CAPSL: variants seen among roughly 807,000 people sequenced by gnomAD.
CAPSL encodes calcyphosin-like protein.
A neutral mutation model predicts 21.3 loss-of-function variants in CAPSL; 17 were observed. The ratio of observed to expected loss-of-function variants is 0.80; its 90% CI spans 0.55 to 1.20. CAPSL has a LOEUF of 1.20. Among genes scored for constraint, CAPSL ranks in the 50% most tolerant of loss-of-function variants. The pLI is 0.00. For missense variants in CAPSL, 289 were observed against 259.3 expected, an observed-to-expected ratio of 1.11 and a Z score of -0.79; for synonymous variants, 102 against 89.3, an observed-to-expected ratio of 1.14 and a Z score of -0.80.
intron 2 of CAPSL, among the ~76,000 whole-genome samples, chr5:35,911,936 G>C (rs1312666925): frequency 6.6e-6 from 1 of 152,208 alleles, no homozygotes; most frequent in Non-Finnish European, 1.5e-5. Context: ...GGAAGCGCAA[G>C]GGGTCAGGGA....
intron 4 of CAPSL, 149 bp from the exon 5 acceptor site, chr5:35,904,795 C>G: frequency 8.1e-7 from 1 of 1,227,922 alleles, no homozygotes; most frequent in Non-Finnish European, 1.1e-6. Flanking sequence ...AACAAAAGAA[C>G]AAGTGAAGCT....
intron 2 of CAPSL, among the ~76,000 whole-genome samples, chr5:35,913,540 G>A (rs1026821034): frequency 6.6e-6 from 1 of 152,226 alleles, no homozygotes; most frequent in African/African-American, 2.4e-5. Context: ...AGAAGAGAGT[G>A]GGGGCCAATA....
intron 2 of CAPSL, among the ~76,000 whole-genome samples, chr5:35,916,445 G>A (rs1335312623): frequency 2.6e-5 from 4 of 152,102 alleles, no homozygotes; most frequent in Non-Finnish European, 4.4e-5. Context: ...GAGGCATAAC[G>A]CTACCTGACT....
chr5:35,917,641 G>T (rs377195922), intron 2 of CAPSL, among the ~76,000 whole-genome samples: 31 of 152,108 alleles, frequency 2.0e-4, no homozygotes, highest in Admixed American at 5.2e-4. Context: ...CCGCATGTTC[G>T]CACTCATAGG....
chr5:35,907,131 T>C (rs1391665882), intron 4 of CAPSL, among the ~76,000 whole-genome samples: 7 of 152,182 alleles, frequency 4.6e-5, no homozygotes, highest in Non-Finnish European at 7.3e-5. Context: ...TTAGCAGGCC[T>C]CTTGACTAGG....
rs1738158726 is a variant in CAPSL at position 35,909,692 on chromosome 5, TGAA to T, written c.525+171_525+173del. On this transcript the variant is annotated intron_variant, in intron 4 of 4. Transcript: ENST00000651391. ...ACATTAGGTTTCAACTAAAGTAACA[TGAA>T]GGTTTCCCCTGGCAATGGAGAAGTT... is the stretch of plus-strand genomic sequence containing the variant. The T allele has an allele frequency of 6.5e-6, 4 of 614,022 alleles. No homozygotes were observed. The South Asian group carries it at 8.7e-5, about 13-fold the overall frequency. The allele number at this position is 614,022 out of a possible 1,614,324, so 38.0% of individuals were successfully genotyped here. A position where few individuals can be genotyped will look rare whatever the true frequency, so the allele number is the denominator to read the frequency against.
chr5:35,933,021 AT>A lies in CAPSL; in HGVS notation c.-1+5519del, dbSNP rs527312849. On this transcript the variant is annotated intron_variant, in intron 1 of 4. Transcript: ENST00000651391. ...TACTGGAAAACAACCACATACGTGT[AT>A]TTCTATATGGTCTGTGGCGGCTTTC... Among the ~76,000 whole-genome samples the A allele has an allele frequency of 1.2e-4, 18 of 152,314 alleles. No individual in the cohort carries two copies. In the East Asian group the frequency reaches 3.5e-3, roughly 29 times the overall value.
intron 2 of CAPSL, among the ~76,000 whole-genome samples, chr5:35,920,736 T>A (rs1363855528): frequency 1.3e-5 from 2 of 152,238 alleles, no homozygotes; most frequent in Non-Finnish European, 2.9e-5. Context: ...CTTCTCCCTT[T>A]ACCTCATATT....
At chr5:35,919,775 A>C (rs1738488040) in intron 2 of CAPSL, among the ~76,000 whole-genome samples, 1 of 152,192 alleles carries the variant, frequency 6.6e-6, no homozygotes, top group Admixed American at 6.5e-5. Flanking sequence ...CAGATGGCAC[A>C]TTCTGCAAAA....
chr5:35,910,977 A>T (rs1738206761), intron 2 of CAPSL, among the ~76,000 whole-genome samples: 1 of 152,262 alleles, frequency 6.6e-6, no homozygotes. Context: ...GGAAGTCAGA[A>T]AATCACAGTG....
intron 2 of CAPSL, 36 bp downstream of exon 2, chr5:35,920,948 C>A: frequency 6.2e-7 from 1 of 1,606,826 alleles, no homozygotes; most frequent in Non-Finnish European, 8.5e-7. Context: ...TCATTCCTTC[C>A]CGCTCCATTC....
chr5:35,930,710 A>C (rs1056088960), intron 1 of CAPSL, among the ~76,000 whole-genome samples: 3 of 152,242 alleles, frequency 2.0e-5, no homozygotes, highest in African/African-American at 7.2e-5. Flanking sequence ...GGAAGTTTAC[A>C]TTCCTAGAAG....
At position 35,919,160 on chromosome 5, in the gene CAPSL, TA is replaced by T. The variant is rs34779853; in HGVS notation, c.137+1823del. Among the ~76,000 whole-genome samples the T allele has an allele frequency of 1.1e-3, 137 of 129,180 alleles. 2 individuals carry two copies. The highest frequency in any genetic ancestry group is 3.8e-3 in the Middle Eastern group (1 of 262). The allele number at this position is 129,180 out of a possible 152,430, so 84.7% of individuals were successfully genotyped here. A position where few individuals can be genotyped will look rare whatever the true frequency, so the allele number is the denominator to read the frequency against. ...CTGGTTAGCTAGTATCTTTCCTGATTAAAAAAAAAAATATATATATATATAT... is the reference window on the plus strand; with the variant it reads ...CTGGTTAGCTAGTATCTTTCCTGATTAAAAAAAAAATATATATATATATAT... On this transcript the variant is annotated intron_variant, in intron 2 of 4. Coordinates refer to ENST00000651391, the MANE Select transcript of CAPSL (RefSeq NM_001042625.2).
At chr5:35,911,645 C>T (rs928832387) in intron 2 of CAPSL, among the ~76,000 whole-genome samples, 2 of 152,136 alleles carry the variant, frequency 1.3e-5, no homozygotes, top group African/African-American at 4.8e-5. Flanking sequence ...GAAAAGGACA[C>T]TAGGTAAAAA....
rs1580877596 is a variant in CAPSL at position 35,907,202 on chromosome 5, T to C, written c.526-2556A>G. 2.6e-5 allele frequency among the ~76,000 whole-genome samples: 4 copies of C among 152,256 alleles called. 1 individual carries two copies. Among genetic ancestry groups the C allele is most frequent in the Admixed American group, 2.6e-4 (4 of 15,292 alleles). On this transcript the variant is annotated intron_variant, in intron 4 of 4. Coordinates refer to ENST00000651391, the MANE Select transcript of CAPSL (RefSeq NM_001042625.2). ...AAGGAAAGGTCCCAGATGGGGGTAA[T>C]GGAAGTCACAATACAAGCCCTTTTT...
intron 4 of CAPSL, among the ~76,000 whole-genome samples, chr5:35,908,026 C>A (rs1023125920): frequency 1.3e-5 from 2 of 152,144 alleles, no homozygotes; most frequent in Non-Finnish European, 2.9e-5. Flanking sequence ...CCTGGTAAGC[C>A]CTTAGCAAAT....
intron 4 of CAPSL, among the ~76,000 whole-genome samples, chr5:35,905,481 G>A (rs1280718566): frequency 2.0e-5 from 3 of 152,150 alleles, no homozygotes; most frequent in Admixed American, 6.5e-5. Context: ...AAAAGTCACT[G>A]GATCCACAGT....
intron 2 of CAPSL, among the ~76,000 whole-genome samples, chr5:35,911,875 G>A (rs1039294877): frequency 2.0e-5 from 3 of 152,150 alleles, no homozygotes; most frequent in Non-Finnish European, 4.4e-5. Flanking sequence ...CGGACAGTGG[G>A]TGCAGCACAC....
At chr5:35,923,831 C>T (rs920290330) in intron 1 of CAPSL, among the ~76,000 whole-genome samples, 13 of 152,100 alleles carry the variant, frequency 8.5e-5, no homozygotes, top group South Asian at 2.1e-4. Flanking sequence ...TTGACATAGA[C>T]GGTGGTTTAT....
Sources: allele counts gnomAD v4.1 joint callset (sites outside exome capture counted in the v4.1 genomes callset), GRCh38; gene constraint gnomAD v4.1.1; transcripts MANE v1.5; gene names NCBI Gene and HGNC (gene_info 2026-07-23, HGNC 2026-07-21).